Variants in TANC2 observed in about 807,000 individuals in gnomAD.
The protein encoded by TANC2 is protein TANC2.
In TANC2, 26 loss-of-function variants were observed where a neutral mutation model predicts 210.5. That is an observed-to-expected ratio of 0.12 (90% CI 0.09 to 0.17). The LOEUF is 0.17. Among genes scored for constraint, TANC2 ranks in the 10% least tolerant of loss-of-function variants. TANC2 has a pLI of 1.00. For synonymous variants in TANC2, 931 were observed against 967.1 expected (o/e 0.96, Z 0.69); for missense variants, 2,129 against 2,608.9 (o/e 0.82, Z 4.01).
At chr17:63,226,087 T>C (rs1413785551) in intron 7 of TANC2, among the ~76,000 whole-genome samples, 1 of 152,206 alleles carries the variant, frequency 6.6e-6, no homozygotes, top group African/African-American at 2.4e-5. Flanking sequence ...ACTCACAAAT[T>C]ACTGTGTCAC....
intron 5 of TANC2, among the ~76,000 whole-genome samples, chr17:63,180,545 C>G (rs901474555): frequency 6.6e-6 from 1 of 152,114 alleles, no homozygotes; most frequent in Non-Finnish European, 1.5e-5. Context: ...TATCAGGAAG[C>G]TGAGAAACTT....
At chr17:63,236,915 C>T (rs1454534791) in intron 7 of TANC2, among the ~76,000 whole-genome samples, 2 of 152,144 alleles carry the variant, frequency 1.3e-5, no homozygotes, top group Non-Finnish European at 2.9e-5. Context: ...TAGGTTGATT[C>T]CATATCTTTG....
chr17:63,015,538 A>G (rs8071770), intron 2 of TANC2, among the ~76,000 whole-genome samples: 60,936 of 151,532 alleles, frequency 0.4, 14,843 homozygotes, highest in East Asian at 0.84. Context: ...TCATTGTTCA[A>G]TTCCCACCTA....
chr17:63,044,287 G>T (rs2035297051), intron 2 of TANC2, among the ~76,000 whole-genome samples: 1 of 152,096 alleles, frequency 6.6e-6, no homozygotes, highest in Non-Finnish European at 1.5e-5. Context: ...CAGAGATGAA[G>T]ATTATCAGTA....
intron 3 of TANC2, among the ~76,000 whole-genome samples, chr17:63,087,420 CTTTG>C (rs1218575359): frequency 6.6e-6 from 1 of 151,894 alleles, no homozygotes; most frequent in African/African-American, 2.4e-5. Context: ...CTGTTTTTTT[CTTTG>C]TTTTTCTTTG....
chr17:63,177,206 A>T (rs1248767031), intron 5 of TANC2, among the ~76,000 whole-genome samples: 1 of 146,812 alleles, frequency 6.8e-6, no homozygotes, highest in East Asian at 2.0e-4. Flanking sequence ...TGGAGGTTGC[A>T]GTGAGCCATG....
At chr17:63,332,047 C>A in intron 11 of TANC2, 1 of 291,488 alleles carries the variant, frequency 3.4e-6, no homozygotes, top group South Asian at 4.0e-5. Flanking sequence ...TGAATGATAT[C>A]AATTATGCCA....
chr17:63,157,413 T>C (rs1309081954), intron 5 of TANC2, among the ~76,000 whole-genome samples: 1 of 152,232 alleles, frequency 6.6e-6, no homozygotes, highest in Non-Finnish European at 1.5e-5. Context: ...ATCTGTAATT[T>C]AGTTAGATAT....
chr17:63,402,374 T>C (rs780481352), intron 19 of TANC2, among the ~76,000 whole-genome samples: 3 of 152,236 alleles, frequency 2.0e-5, no homozygotes, highest in Admixed American at 6.5e-5. Context: ...TCTGTTTCCT[T>C]ACTCAACCAT....
intron 6 of TANC2, chr17:63,197,777 A>G (rs189944622): frequency 1.3e-5 from 2 of 152,344 alleles, no homozygotes; most frequent in African/African-American, 2.4e-5. Context: ...GGGCAATGGG[A>G]AAAACACTGA....
At chr17:63,425,877 T>A (rs903895046) in exon 28 of TANC2, 1 of 152,292 alleles carries the variant, frequency 6.6e-6, no homozygotes, top group Non-Finnish European at 1.5e-5. Context: ...CTCCCTCCTG[T>A]CAGTTCCTCT....
At chr17:63,321,265 A>G (rs1472270147) in intron 11 of TANC2, among the ~76,000 whole-genome samples, 2 of 151,896 alleles carry the variant, frequency 1.3e-5, no homozygotes, top group Admixed American at 6.6e-5. Context: ...TCTGTTTTCT[A>G]TACTTTTGTT....
chr17:63,122,054 C>A (rs1308566772), intron 4 of TANC2, among the ~76,000 whole-genome samples: 1 of 152,084 alleles, frequency 6.6e-6, no homozygotes, highest in Non-Finnish European at 1.5e-5. Flanking sequence ...GGATGAAAAA[C>A]TCAATCTGGT....
intron 11 of TANC2, among the ~76,000 whole-genome samples, chr17:63,339,734 A>G (rs540188686): frequency 8.4e-4 from 119 of 141,606 alleles, no homozygotes; most frequent in African/African-American, 3.5e-3. Context: ...AGATTAGACT[A>G]TTTCCTATAC....
At chr17:63,006,450 A>G (rs2033630080) in intron 1 of TANC2, among the ~76,000 whole-genome samples, 1 of 152,124 alleles carries the variant, frequency 6.6e-6, no homozygotes, top group Admixed American at 6.6e-5. Context: ...AGTTCCCATA[A>G]GTCATTTTTA....
Position 63,021,099 on chromosome 17 carries a change from C to T in TANC2, c.67+11473C>T, listed in dbSNP as rs1474874564. ...ATTTCAACATGAGATTTGGAGGGGA[C>T]AAATATCCAAACCATGTCACTGGAA... On this transcript the variant is annotated intron_variant, in intron 2 of 27. Transcript: ENST00000689528. 2.0e-5 allele frequency among the ~76,000 whole-genome samples: 3 copies of T among 152,078 alleles called. No homozygotes were observed. The East Asian group carries it at 5.8e-4, about 29-fold the overall frequency.
intron 14 of TANC2, among the ~76,000 whole-genome samples, chr17:63,379,087 G>A (rs559708272): frequency 6.2e-4 from 94 of 152,248 alleles, no homozygotes; most frequent in Admixed American, 6.5e-4. Flanking sequence ...GAGATTCTGA[G>A]GAACACTGAC....
chr17:63,312,322 A>C (rs1473712732), intron 9 of TANC2, among the ~76,000 whole-genome samples: 1 of 152,230 alleles, frequency 6.6e-6, no homozygotes, highest in African/African-American at 2.4e-5. Context: ...CTAGGTGCCC[A>C]TCAGTGGTGG....
At chr17:63,176,515 CAG>C (rs2040585680) in intron 5 of TANC2, among the ~76,000 whole-genome samples, 2 of 151,920 alleles carry the variant, frequency 1.3e-5, no homozygotes, top group African/African-American at 2.4e-5. Context: ...ACTAAAATAA[CAG>C]AAAAAAGGCC....
Sources: allele counts gnomAD v4.1 joint callset (sites outside exome capture counted in the v4.1 genomes callset), GRCh38; gene constraint gnomAD v4.1.1; transcripts MANE v1.5; gene names NCBI Gene and HGNC (gene_info 2026-07-23, HGNC 2026-07-21).